The following NBPF3 variants were observed in gnomAD, a reference collection of about 807,000 sequenced individuals.
The protein encoded by NBPF3 is NBPF member 3.
A neutral mutation model predicts 78.1 loss-of-function variants in NBPF3; 57 were observed. The observed-to-expected ratio is 0.73, with a 90% CI of 0.59 to 0.91. NBPF3 has a LOEUF of 0.91. NBPF3 is among the 40% of genes least tolerant of loss of function. The pLI is 0.00. For synonymous variants in NBPF3, 182 were observed against 271.7 expected, an observed-to-expected ratio of 0.67 and a Z score of 3.25; for missense variants, 510 against 715.3, an observed-to-expected ratio of 0.71 and a Z score of 3.27.
At chr1:21,463,371 G>A (rs1368545587) in intron 2 of NBPF3, among the ~76,000 whole-genome samples, 1 of 152,184 alleles carries the variant, frequency 6.6e-6, no homozygotes, top group Non-Finnish European at 1.5e-5. Context: ...TCAGTCCCCA[G>A]AGCTCTGTCA....
chr1:21,483,220 C>T lies in NBPF3; in HGVS notation c.1736C>T (p.Ser579Leu), dbSNP rs768390113. The T allele has an allele frequency of 6.4e-7, 1 of 1,564,810 alleles. No homozygotes were observed. The highest frequency in any genetic ancestry group is 8.7e-7 in the Non-Finnish European group (1 of 1,155,370). The change falls in exon 15 of 15, where the codon TCA (serine) becomes TTA (leucine). Residue 579 changes from serine (S) to leucine (L), a missense_variant. By Grantham distance (145) the Ser-to-Leu change is moderately radical. Around this residue, in one of 5 missense-constraint regions of NBPF3, gnomAD observed 18 missense variants for 65.2 expected, o/e 0.28. Coordinates refer to ENST00000318249, the MANE Select transcript of NBPF3 (RefSeq NM_032264.6). ...CTGGATAGATGTTATTCGACTACTT[C>T]AACTTACTTTCAACTACATGCCTCA... ...DSLDRCYSTTSTYFQLHASFQ... is the reference protein window; with the variant it reads ...DSLDRCYSTTLTYFQLHASFQ...
chr1:21,436,840 G>C, upstream of NBPF3: 2 of 898,234 alleles, frequency 2.2e-6, no homozygotes, highest in Non-Finnish European at 3.0e-6. This position sits in a 1 kb window ranked among gnomAD's most constrained non-coding sequence, Gnocchi z 4.3. Context: ...TCTGGGTGCA[G>C]CCAGAGGCCC....
intron 3 of NBPF3, among the ~76,000 whole-genome samples, chr1:21,469,790 A>C (rs919749866): frequency 3.3e-5 from 5 of 152,102 alleles, no homozygotes; most frequent in African/African-American, 1.2e-4. Flanking sequence ...CTTGTTCCTA[A>C]AGAGGAAGAA....
chr1:21,477,266 C>G (rs983863120), intron 8 of NBPF3, among the ~76,000 whole-genome samples: 2 of 152,200 alleles, frequency 1.3e-5, no homozygotes, highest in Non-Finnish European at 2.9e-5. Context: ...CTTCTGAAGC[C>G]TACTTCTGTC....
chr1:21,473,717 G>GT, intron 7 of NBPF3, 132 bp downstream of exon 7: 1 of 827,906 alleles, frequency 1.2e-6, no homozygotes, highest in Non-Finnish European at 2.0e-6. Flanking sequence ...TATCAAGGAG[G>GT]TTTTCTGTCC....
intron 6 of NBPF3, among the ~76,000 whole-genome samples, chr1:21,473,167 GAAC>G (rs979233572): frequency 1.3e-5 from 2 of 152,206 alleles, no homozygotes; most frequent in African/African-American, 4.8e-5. Flanking sequence ...CCAGTGCAAT[GAAC>G]ACCAGTTGCT....
intron 5 of NBPF3, among the ~76,000 whole-genome samples, chr1:21,472,514 C>G (rs72659137): frequency 0.014 from 2,112 of 152,292 alleles, 20 homozygotes; most frequent in Non-Finnish European, 0.021. Flanking sequence ...TGACAGGACA[C>G]CAAGCCCGTG....
At chr1:21,473,191 C>G (rs1642700030) in intron 6 of NBPF3, among the ~76,000 whole-genome samples, 189 bp from the exon 7 acceptor site, 1 of 152,218 alleles carries the variant, frequency 6.6e-6, no homozygotes, top group Non-Finnish European at 1.5e-5. Flanking sequence ...GTCTTCCTCT[C>G]TGGCTCCCAT....
At chr1:21,452,180 T>C (rs1569957190) in intron 2 of NBPF3, among the ~76,000 whole-genome samples, 1 of 152,228 alleles carries the variant, frequency 6.6e-6, no homozygotes, top group East Asian at 1.9e-4. Context: ...CTTTTTAAGA[T>C]GATACAATTT....
intron 2 of NBPF3, among the ~76,000 whole-genome samples, chr1:21,452,232 A>G (rs1569957525): frequency 2.0e-5 from 3 of 152,286 alleles, no homozygotes; most frequent in African/African-American, 4.8e-5. Context: ...CTTTATATAC[A>G]TATAAAATGA....
intron 2 of NBPF3, among the ~76,000 whole-genome samples, chr1:21,457,524 A>G (rs12065012): frequency 0.046 from 7,076 of 152,226 alleles, 420 homozygotes; most frequent in African/African-American, 0.14. Context: ...GTCAATTAGC[A>G]TAGGAAAAGA....
At chr1:21,458,514 A>G (rs937267441) in intron 2 of NBPF3, among the ~76,000 whole-genome samples, 24 of 152,202 alleles carry the variant, frequency 1.6e-4, no homozygotes, top group African/African-American at 5.5e-4. Flanking sequence ...ACGTGGAATG[A>G]TAGAAATGTC....
At chr1:21,440,445 G>A (rs1640560199) in intron 1 of NBPF3, 97 bp downstream of exon 1, 1 of 150,736 alleles carries the variant, frequency 6.6e-6, no homozygotes, top group Non-Finnish European at 1.5e-5. Context: ...TGTTGCGCGA[G>A]CGCGGGGGCG....
chr1:21,440,209 G>A lies in NBPF3; in HGVS notation c.-279G>A, dbSNP rs1197951418. On this transcript the variant is annotated 5_prime_UTR_variant, in exon 1 of 15. In the 5' UTR this introduces an upstream ATG that the reference lacks. Transcript: ENST00000318249. ...GGGTAGGTGAGGATCCCGAGACTGA[G>A]TGAGCTTCTGCGCGCGGTGCTTTTG... is the stretch of plus-strand genomic sequence containing the variant. The A allele has an allele frequency of 6.6e-6, 1 of 152,256 alleles. No individual in the cohort carries two copies. The highest frequency in any genetic ancestry group is 1.5e-5 in the Non-Finnish European group (1 of 68,086). The allele number at this position is 152,256 out of a possible 1,614,324, so 9.4% of individuals were successfully genotyped here.
chr1:21,456,892 T>C (rs976078344), intron 2 of NBPF3, among the ~76,000 whole-genome samples: 1 of 152,166 alleles, frequency 6.6e-6, no homozygotes, highest in Admixed American at 6.5e-5. Context: ...AAAATAAAAG[T>C]ATTGAAAAGA....
At chr1:21,465,353 C>T (rs1192492044) in intron 2 of NBPF3, among the ~76,000 whole-genome samples, 11 of 152,252 alleles carry the variant, frequency 7.2e-5, no homozygotes, top group Non-Finnish European at 1.5e-4. Flanking sequence ...CCAGGCCCCA[C>T]CTGAGCCCTC....
At chr1:21,440,492 C>A (rs1163511648) in intron 1 of NBPF3, 144 bp downstream of exon 1, 1 of 151,826 alleles carries the variant, frequency 6.6e-6, no homozygotes. Flanking sequence ...CGTGCACCGC[C>A]GGGGGCTGAG....
chr1:21,452,897 C>G (rs1426963556), intron 2 of NBPF3, among the ~76,000 whole-genome samples: 1 of 152,192 alleles, frequency 6.6e-6, no homozygotes, highest in Non-Finnish European at 1.5e-5. Context: ...AATAAACTGG[C>G]CCTTTATAAT....
At chr1:21,438,099 C>T (rs1569882874), upstream of NBPF3, among the ~76,000 whole-genome samples, 1 of 149,918 alleles carries the variant, frequency 6.7e-6, no homozygotes, top group Non-Finnish European at 1.5e-5. Flanking sequence ...GGATTACAGG[C>T]GTGAGCCACC....
Sources: gnomAD v4.1 joint callset for allele counts (sites outside exome capture counted in the v4.1 genomes callset) on GRCh38, gnomAD v4.1.1 for gene constraint, gnomAD v4.1.1 regional missense constraint, Gnocchi (gnomAD v3.1) non-coding constraint, MANE v1.5 for transcripts, NCBI Gene and HGNC (gene_info 2026-07-23, HGNC 2026-07-21) for gene names.